Variants in ITGB1 observed in about 807,000 individuals in gnomAD.
The protein encoded by ITGB1 is integrin subunit beta 1.
ITGB1 carries 24 observed loss-of-function variants against 86.5 expected under a neutral mutation model. The ratio of observed to expected loss-of-function variants is 0.28; its 90% CI spans 0.20 to 0.39. The LOEUF (loss-of-function observed/expected upper bound fraction) is 0.39, where lower values mean the gene tolerates loss of function less well. ITGB1 is among the 10% of genes least tolerant of loss of function. The pLI, the probability that ITGB1 is intolerant of heterozygous loss-of-function variation, is 1.00. For synonymous variants in ITGB1, 323 were observed against 316.8 expected (o/e 1.02, Z -0.21); for missense variants, 556 against 946.9 (o/e 0.59, Z 5.42).
In ITGB1 at chr10:32,929,896, C is replaced by G; in HGVS notation, c.302G>C (p.Gly101Ala). 1 of 1,612,918 alleles carries G rather than the reference C, an allele frequency of 6.2e-7. No homozygotes were observed. The highest frequency in any genetic ancestry group is 2.2e-5 in the East Asian group (1 of 44,872). Reference protein sequence around the residue: ...KNKNVTNRSKGTAEKLKPEDI... With the variant: ...KNKNVTNRSKATAEKLKPEDI... ...CTCTGGCTTGAGCTTCTCTGCTGTT[C>G]CTTTGCTACGGTTGGTTACATTTTT... Residue 101 changes from glycine to alanine, a missense_variant, in exon 4 of 16, where the codon GGA becomes GCA. Transcript: ENST00000302278.
chr10:32,958,021 C>T (rs914957176), intron 1 of ITGB1, 124 bp downstream of exon 1: 1 of 151,612 alleles, frequency 6.6e-6, no homozygotes, highest in African/African-American at 2.4e-5. Flanking sequence ...CCGCCCCCGC[C>T]CCCACCCCCA....
intron 11 of ITGB1, among the ~76,000 whole-genome samples, chr10:32,915,051 G>C (rs865786639): frequency 6.6e-6 from 1 of 152,172 alleles, no homozygotes; most frequent in African/African-American, 2.4e-5. Flanking sequence ...TAAATGACCT[G>C]CTCCTGAATG....
intron 1 of ITGB1, among the ~76,000 whole-genome samples, chr10:32,947,432 C>CGGGTGTGTGTGTGTGTGTGTGTGT (rs2095033771): frequency 7.3e-6 from 1 of 137,296 alleles, no homozygotes; most frequent in Non-Finnish European, 1.6e-5. Flanking sequence ...CACATATAGC[C>CGGGTGTGTGTGTGTGTGTGTGTGT]GTGTGTGTGT....
rs547983788 is a variant in ITGB1, at chr10:32,915,636, G to A, written c.1470-3512C>T. Among the ~76,000 whole-genome samples the A allele has an allele frequency of 1.4e-3, 218 of 152,226 alleles. 1 individual carries two copies. The highest frequency in any genetic ancestry group is 5.0e-3 in the African/African-American group (207 of 41,540). ...CAGGAAGAAGTTGAATCACTGAATAGACCAATAACAGGCTCTCAAATGGAG... is the reference window on the plus strand; with the variant it reads ...CAGGAAGAAGTTGAATCACTGAATAAACCAATAACAGGCTCTCAAATGGAG... On this transcript the variant is annotated intron_variant, in intron 11 of 15. Transcript: ENST00000302278.
Position 32,911,882 on chromosome 10 carries a change from T to A in ITGB1, c.1708+4A>T. On this transcript the variant is annotated splice_donor_region_variant and intron_variant, in intron 12 of 15. Transcript: ENST00000302278. ...CTTACAACCACTTCAGGCCCTTTAC[T>A]TACCTCCACAAATTAAGCCATTGGA... is the stretch of plus-strand genomic sequence containing the variant. 6.2e-7 allele frequency: 1 copy of A among 1,605,696 alleles called. No homozygotes were observed. Among genetic ancestry groups the A allele is most frequent in the Non-Finnish European group, 8.5e-7 (1 of 1,175,050 alleles).
intron 15 of ITGB1, 55 bp downstream of exon 15, chr10:32,908,313 G>A (rs1361825880): frequency 4.8e-6 from 7 of 1,465,098 alleles, no homozygotes; most frequent in Non-Finnish European, 6.7e-6. Flanking sequence ...TAAGTCTTAG[G>A]AGTATTACAT....
At chr10:32,947,752 G>A (rs141930599) in intron 1 of ITGB1, among the ~76,000 whole-genome samples, 1,841 of 152,266 alleles carry the variant, frequency 0.012, 122 homozygotes, top group Admixed American at 0.11. Context: ...GGCATCTACC[G>A]TTGTACAACA....
chr10:32,953,190 C>T (rs906556934), intron 1 of ITGB1, among the ~76,000 whole-genome samples: 2 of 152,208 alleles, frequency 1.3e-5, no homozygotes, highest in Admixed American at 6.5e-5. Context: ...CAAAACCACA[C>T]AAGCCAATGC....
chr10:32,917,515 A>C (rs2094935752), intron 11 of ITGB1, among the ~76,000 whole-genome samples: 1 of 152,194 alleles, frequency 6.6e-6, no homozygotes, highest in South Asian at 2.1e-4. Context: ...AAACAACCCC[A>C]CCAAAAAGTG....
chr10:32,909,275 C>G (rs1231553955), intron 14 of ITGB1, among the ~76,000 whole-genome samples: 5 of 152,066 alleles, frequency 3.3e-5, no homozygotes, highest in African/African-American at 1.2e-4. Context: ...TCAACAAATG[C>G]CCCTAGAACA....
chr10:32,909,807 C>T (rs984083967), intron 14 of ITGB1, among the ~76,000 whole-genome samples: 9 of 152,000 alleles, frequency 5.9e-5, no homozygotes, highest in African/African-American at 1.9e-4. Flanking sequence ...GTTTCACCTC[C>T]GGAGAAGTTG....
chr10:32,911,030 T>G (rs1054702460), intron 13 of ITGB1, among the ~76,000 whole-genome samples: 6 of 152,210 alleles, frequency 3.9e-5, no homozygotes, highest in Admixed American at 3.3e-4. Flanking sequence ...TGAGCCACTG[T>G]GCTCGGCCAA....
At chr10:32,923,520 C>A in intron 7 of ITGB1, 65 bp downstream of exon 7, 1 of 1,414,516 alleles carries the variant, frequency 7.1e-7, no homozygotes, top group Admixed American at 2.1e-5. Flanking sequence ...CACCCACAAG[C>A]TCTTAGTATT....
Position 32,926,043 on chromosome 10 carries a change from T to C in ITGB1, c.614A>G (p.Asn205Ser), listed in dbSNP as rs2094963461. Residue 205 changes from asparagine to serine, a missense_variant, in exon 6 of 16, where the codon AAC becomes AGC. Transcript: ENST00000302278. ...GCAGTTCTGTTCACTTGTGCAAGGG[T>C]TCCTGAGCTTAGCTGGTGTTGTGCT... The part of the protein sequence containing the change: ...YISTTPAKLR[N>S]PCTSEQNCTS... The C allele has an allele frequency of 1.2e-6, 2 of 1,614,138 alleles. No homozygotes were observed. Among genetic ancestry groups the C allele is most frequent in the Non-Finnish European group, 1.7e-6 (2 of 1,180,014 alleles).
intron 11 of ITGB1, among the ~76,000 whole-genome samples, chr10:32,914,055 T>C (rs183779262): frequency 6.6e-6 from 1 of 152,282 alleles, no homozygotes; most frequent in East Asian, 1.9e-4. Context: ...AATTTCATAT[T>C]AAGCCAAACT....
chr10:32,946,623 T>C (rs1020267978), intron 1 of ITGB1, among the ~76,000 whole-genome samples: 2 of 151,984 alleles, frequency 1.3e-5, no homozygotes. Context: ...ACTCTTACTT[T>C]ACTTGGTGCT....
chr10:32,958,210 G>A lies in ITGB1; in HGVS notation c.-66C>T, dbSNP rs1410383766. 1 of 151,596 alleles carries A rather than the reference G, an allele frequency of 6.6e-6. No homozygotes were observed. The highest frequency in any genetic ancestry group is 2.4e-5 in the African/African-American group (1 of 41,260). The allele number at this position is 151,596 out of a possible 1,614,324, so 9.4% of individuals were successfully genotyped here. On this transcript the variant is annotated 5_prime_UTR_variant, in exon 1 of 16. Transcript: ENST00000302278. The stretch of plus-strand genomic sequence containing the variant: ...GGCCTGCTGTTCCGCGACTCCCGCT[G>A]GGCCTCTCCCGCGGGCTGGCGGGGC...
intron 5 of ITGB1, among the ~76,000 whole-genome samples, chr10:32,926,706 T>C (rs111707452): frequency 2.6e-5 from 4 of 152,118 alleles, no homozygotes; most frequent in African/African-American, 9.7e-5. Context: ...CTTTTCTTCA[T>C]AAATTACCCA....
intron 11 of ITGB1, among the ~76,000 whole-genome samples, chr10:32,916,364 G>A (rs1332914383): frequency 1.3e-5 from 2 of 152,050 alleles, no homozygotes; most frequent in African/African-American, 4.8e-5. Flanking sequence ...ACAAAGGGAA[G>A]CCCATCAGTT....
Sources: allele counts gnomAD v4.1 joint callset (sites outside exome capture counted in the v4.1 genomes callset), GRCh38; gene constraint gnomAD v4.1.1; transcripts MANE v1.5; gene names NCBI Gene and HGNC (gene_info 2026-07-23, HGNC 2026-07-21).